CALHM2: variants seen among roughly 807,000 people sequenced by gnomAD.
The protein encoded by CALHM2 is calcium homeostasis modulator protein 2.
A neutral mutation model predicts 20.4 loss-of-function variants in CALHM2; 18 were observed. The observed-to-expected ratio is 0.88, with a 90% CI of 0.61 to 1.31. CALHM2 has a LOEUF of 1.31. Ranked by LOEUF, CALHM2 falls within the 50% of genes most tolerant of loss-of-function variation. CALHM2 has a pLI of 0.00. For missense variants in CALHM2, 411 were observed against 435.7 expected (o/e 0.94, Z 0.50); for synonymous variants, 193 against 192.1 (o/e 1.00, Z -0.04).
At chr10:103,448,720 C>CAA (rs542997668) in intron 3 of CALHM2, among the ~76,000 whole-genome samples, 1 of 127,484 alleles carries the variant, frequency 7.8e-6, no homozygotes, top group Admixed American at 8.0e-5. Flanking sequence ...GACTCTGTCT[C>CAA]AAAAAAAAAA....
In CALHM2 at chr10:103,447,371, A is replaced by G. The variant is rs2032692894; in HGVS notation, c.753T>C (p.Phe251=). ...CATCCTTGTTGAGCGCCACAAAGCC[A>G]AAGAAGCGGCGCACATTGTTGGCAG... ...VLAANNVRRF[F]GFVALNKDDE... The change falls in exon 4 of 4, where the codon TTT becomes TTC. Residue 251 remains phenylalanine (F), a synonymous_variant. Coordinates refer to ENST00000260743, the MANE Select transcript of CALHM2 (RefSeq NM_015916.5). The G allele has an allele frequency of 6.2e-7, 1 of 1,614,004 alleles. No individual in the cohort carries two copies. Among genetic ancestry groups the G allele is most frequent in the Non-Finnish European group, 8.5e-7 (1 of 1,179,940 alleles).
In CALHM2 at chr10:103,447,520, TCAGGAACAC is replaced by T; in HGVS notation, c.595_603del (p.Val199_Leu201del). On this transcript the variant is annotated inframe_deletion, in exon 4 of 4. Coordinates refer to ENST00000260743, the MANE Select transcript of CALHM2 (RefSeq NM_015916.5). ...GAGCAGTAATGCTTGAGGCACTTGGTCAGGAACACCAGGATGGCCACCACGCCGATGAGC... is the reference window on the plus strand; with the variant it reads ...GAGCAGTAATGCTTGAGGCACTTGGTCAGGATGGCCACCACGCCGATGAGC... 6.2e-7 allele frequency: 1 copy of T among 1,609,954 alleles called. No individual in the cohort carries two copies. Among genetic ancestry groups the T allele is most frequent in the Non-Finnish European group, 8.5e-7 (1 of 1,177,298 alleles).
rs1344084746 is a variant in CALHM2, at chr10:103,447,532, G to A, written c.592C>T (p.Leu198=). ...TTGAGGCACTTGGTCAGGAACACCA[G>A]GATGGCCACCACGCCGATGAGCAGC... ...GWLLIGVVAI[L]VFLTKCLKHY... is the part of the protein sequence containing the mutation. Residue 198 remains leucine, a synonymous_variant, in exon 4 of 4, where the codon CTG becomes TTG. Transcript: ENST00000260743. The A allele has an allele frequency of 6.2e-7, 1 of 1,607,096 alleles. No individual in the cohort carries two copies. Among genetic ancestry groups the A allele is most frequent in the Non-Finnish European group, 8.5e-7 (1 of 1,175,340 alleles).
Position 103,449,448 on chromosome 10 carries a change from T to A in CALHM2, c.494A>T (p.Asn165Ile). The change falls in exon 3 of 4, where the codon AAC becomes ATC. Residue 165 changes from asparagine (N) to isoleucine (I), a missense_variant. Asn to Ile is a moderately radical substitution (Grantham distance 149). Transcript: ENST00000260743. ...EILARFPCKE[N>I]PDNLSDFREE... ...CCGGAAGTCTGACAGGTTGTCAGGGTTCTCCTTGCAGGGGAACCTGGCCAG... is the reference window on the plus strand; with the variant it reads ...CCGGAAGTCTGACAGGTTGTCAGGGATCTCCTTGCAGGGGAACCTGGCCAG... 1 of 1,613,274 alleles carries A rather than the reference T, an allele frequency of 6.2e-7. No homozygotes were observed. The highest frequency in any genetic ancestry group is 8.5e-7 in the Non-Finnish European group (1 of 1,180,034).
Position 103,447,089 on chromosome 10 carries a change from A to C in CALHM2, c.*63T>G. ...ATCCCCTTCTGATATGGATGTGAGCAAGCAGTGGGGTTCAGTTTGGGACCA... is the reference window on the plus strand; with the variant it reads ...ATCCCCTTCTGATATGGATGTGAGCCAGCAGTGGGGTTCAGTTTGGGACCA... On this transcript the variant is annotated 3_prime_UTR_variant, in exon 4 of 4. Coordinates refer to ENST00000260743, the MANE Select transcript of CALHM2 (RefSeq NM_015916.5). The C allele has an allele frequency of 6.9e-7, 1 of 1,456,586 alleles. No homozygotes were observed. The highest frequency in any genetic ancestry group is 9.3e-7 in the Non-Finnish European group (1 of 1,074,888). 90.2% of individuals were successfully genotyped at this position (1,456,586 alleles called of 1,614,324 possible). A position where few individuals can be genotyped will look rare whatever the true frequency, so the allele number is the denominator to read the frequency against.
Position 103,449,540 on chromosome 10 carries a change from C to T in CALHM2, c.402G>A (p.Glu134=), listed in dbSNP as rs762498093. The T allele has an allele frequency of 6.2e-7, 1 of 1,613,716 alleles. No homozygotes were observed. The highest frequency in any genetic ancestry group is 1.7e-5 in the Admixed American group (1 of 60,022). Residue 134 remains glutamate, a synonymous_variant, in exon 3 of 4, where the codon GAG becomes GAA. Transcript: ENST00000260743. ...CCGTGAGTGAGGAAGGGTCCACGAA[C>T]TCACTGAGAGCACAGACATAAGCCT... ...RGEAYVCALS[E]FVDPSSLTAR...
Position 103,449,595 on chromosome 10 carries a change from G to T in CALHM2, c.347C>A (p.Thr116Asn), listed in dbSNP as rs928772435. Residue 116 changes from threonine (T) to asparagine (N), a missense_variant, in exon 3 of 4, where the codon ACC (threonine) becomes AAC (asparagine). Coordinates refer to ENST00000260743, the MANE Select transcript of CALHM2 (RefSeq NM_015916.5). ...ILGRAAVAPV[T>N]WSVISLLRGE... is the part of the protein sequence containing the mutation. ...ACGCAGCAGGGAGATGACAGACCAG[G>T]TGACAGGGGCCACAGCCGCACGTCC... 6.8e-6 allele frequency: 11 copies of T among 1,613,850 alleles called. No homozygotes were observed. The highest frequency in any genetic ancestry group is 5.0e-5 in the Admixed American group (3 of 60,030).
intron 1 of CALHM2, 113 bp from the exon 2 acceptor site, chr10:103,451,398 C>A (rs2032978510): frequency 6.6e-6 from 1 of 152,556 alleles, no homozygotes; most frequent in Non-Finnish European, 1.5e-5. Flanking sequence ...CCATGTCCTC[C>A]CCCTCTGGAG....
In CALHM2 at chr10:103,449,425, G is replaced by A. The variant is rs769309906; in HGVS notation, c.517C>T (p.Arg173Trp). 18 of 1,612,932 alleles carry A rather than the reference G, an allele frequency of 1.1e-5. No homozygotes were observed. Among genetic ancestry groups the A allele is most frequent in the South Asian group, 8.8e-5 (8 of 91,060 alleles). The change falls in exon 3 of 4, where the codon CGG (arginine) becomes TGG (tryptophan). Residue 173 changes from arginine (R) to tryptophan (W), a missense_variant. Arg to Trp is a moderately radical substitution (Grantham distance 101). Coordinates refer to ENST00000260743, the MANE Select transcript of CALHM2 (RefSeq NM_015916.5). ...KENPDNLSDF[R>W]EEVSRRLRYE... ...CTGAGCCTGCGGCTGACCTCCTCCC[G>A]GAAGTCTGACAGGTTGTCAGGGTTC...
At chr10:103,449,264 G>A (rs777547788) in intron 3 of CALHM2, 123 bp downstream of exon 3, 7 of 837,406 alleles carry the variant, frequency 8.4e-6, no homozygotes, top group South Asian at 4.0e-5. Flanking sequence ...GATACCTAAC[G>A]CTAGTGCTTT....
chr10:103,449,806 A>G lies in CALHM2; in HGVS notation c.136T>C (p.Cys46Arg), dbSNP rs147873177. The G allele has an allele frequency of 1.2e-6, 2 of 1,613,326 alleles. No individual in the cohort carries two copies. Among genetic ancestry groups the G allele is most frequent in the African/African-American group, 2.7e-5 (2 of 74,938 alleles). ...TAGTTCCGGGCCGGCGAGCAGGGGC[A>G]GTGGAAGGCCACCACAGAGAACAGC... ...QELFSVVAFH[C>R]PCSPARNYLY... is the part of the protein sequence containing the mutation. The change falls in exon 3 of 4, where the codon TGC becomes CGC. Residue 46 changes from cysteine to arginine, a missense_variant. By Grantham distance (180) the Cys-to-Arg change is radical (BLOSUM62 -3). Coordinates refer to ENST00000260743, the MANE Select transcript of CALHM2 (RefSeq NM_015916.5).
In CALHM2 at chr10:103,452,349, G is replaced by A. The variant is rs1360193571; in HGVS notation, c.-555C>T. ...AAAAGAGAGAAGAAAACAGTGGGAT[G>A]GAGTCTGCGCGCCAGTGAGTGGAAA... On this transcript the variant is annotated 5_prime_UTR_variant, in exon 1 of 4. Transcript: ENST00000260743. 1 of 152,364 alleles carries A rather than the reference G, an allele frequency of 6.6e-6. No homozygotes were observed. The highest frequency in any genetic ancestry group is 1.9e-4 in the East Asian group (1 of 5,204). The allele number at this position is 152,364 out of a possible 1,614,324, so 9.4% of individuals were successfully genotyped here. A position where few individuals can be genotyped will look rare whatever the true frequency, so the allele number is the denominator to read the frequency against.
intron 3 of CALHM2, among the ~76,000 whole-genome samples, chr10:103,448,884 T>G (rs2032810406): frequency 6.6e-6 from 1 of 152,198 alleles, no homozygotes; most frequent in Admixed American, 6.5e-5. Flanking sequence ...AGAGCCCAGC[T>G]AAGGCTCAGG....
At chr10:103,448,207 C>A (rs148823733) in intron 3 of CALHM2, among the ~76,000 whole-genome samples, 1 of 151,428 alleles carries the variant, frequency 6.6e-6, no homozygotes, top group Admixed American at 6.6e-5. Context: ...AGTACAGTGG[C>A]GTGATCTTGG....
Position 103,446,938 on chromosome 10 carries a change from C to T in CALHM2, c.*214G>A, listed in dbSNP as rs1430729951. ...ACTGCATAGAGTACCATAAAGGAGC[C>T]CACTGGTGAGCTTCACTGTCACCTG... is the stretch of plus-strand genomic sequence containing the variant. On this transcript the variant is annotated 3_prime_UTR_variant, in exon 4 of 4. Transcript: ENST00000260743. 1 of 554,942 alleles carries T rather than the reference C, an allele frequency of 1.8e-6. No individual in the cohort carries two copies. Among genetic ancestry groups the T allele is most frequent in the African/African-American group, 1.9e-5 (1 of 53,270 alleles). 34.4% of individuals were successfully genotyped at this position (554,942 alleles called of 1,614,324 possible). A position where few individuals can be genotyped will look rare whatever the true frequency, so the allele number is the denominator to read the frequency against.
intron 3 of CALHM2, among the ~76,000 whole-genome samples, chr10:103,448,831 C>T (rs540765659): frequency 6.6e-6 from 1 of 152,332 alleles, no homozygotes; most frequent in Non-Finnish European, 1.5e-5. Flanking sequence ...CTTCCCAGTT[C>T]TCTTCCCTTG....
chr10:103,450,208 G>T, intron 2 of CALHM2, 109 bp from the exon 3 acceptor site: 1 of 518,456 alleles, frequency 1.9e-6, no homozygotes, highest in Non-Finnish European at 3.5e-6. Flanking sequence ...CCCCAGGGAA[G>T]TGACAGTTGC....
chr10:103,452,282 G>T lies in CALHM2; in HGVS notation c.-488C>A, dbSNP rs1268743474. 1 of 152,988 alleles carries T rather than the reference G, an allele frequency of 6.5e-6. No individual in the cohort carries two copies. Among genetic ancestry groups the T allele is most frequent in the African/African-American group, 2.4e-5 (1 of 41,482 alleles). 9.5% of individuals were successfully genotyped at this position (152,988 alleles called of 1,614,324 possible). A position where few individuals can be genotyped will look rare whatever the true frequency, so the allele number is the denominator to read the frequency against. ...TCCCTCCCGCTTTTCTTCTGCACGG[G>T]GGCCTGGGGCTGGTGGCGGCTTCAG... On this transcript the variant is annotated 5_prime_UTR_variant, in exon 1 of 4. Coordinates refer to ENST00000260743, the MANE Select transcript of CALHM2 (RefSeq NM_015916.5).
rs757863850 is a variant in CALHM2 at position 103,447,101 on chromosome 10, TCA to T, written c.*49_*50del. The T allele has an allele frequency of 6.7e-7, 1 of 1,498,604 alleles. No homozygotes were observed. Among genetic ancestry groups the T allele is most frequent in the Non-Finnish European group, 9.0e-7 (1 of 1,109,958 alleles). The allele number at this position is 1,498,604 out of a possible 1,614,324, so 92.8% of individuals were successfully genotyped here. A position where few individuals can be genotyped will look rare whatever the true frequency, so the allele number is the denominator to read the frequency against. ...TATGGATGTGAGCAAGCAGTGGGGT[TCA>T]GTTTGGGACCAAGTAGTGCCATTTA... On this transcript the variant is annotated 3_prime_UTR_variant, in exon 4 of 4. Coordinates refer to ENST00000260743, the MANE Select transcript of CALHM2 (RefSeq NM_015916.5).
Sources: allele counts gnomAD v4.1 joint callset (sites outside exome capture counted in the v4.1 genomes callset), GRCh38; gene constraint gnomAD v4.1.1; transcripts MANE v1.5; gene names NCBI Gene and HGNC (gene_info 2026-07-23, HGNC 2026-07-21).